Variants in TRERF1 observed in about 807,000 individuals in gnomAD.
TRERF1 encodes transcriptional-regulating factor 1.
TRERF1 carries 27 observed loss-of-function variants against 122.9 expected under a neutral mutation model. The observed-to-expected ratio is 0.22, with a 90% CI of 0.16 to 0.30. TRERF1 has a LOEUF of 0.30. TRERF1 is among the 10% of genes least tolerant of loss of function. TRERF1 has a pLI of 1.00. For missense variants in TRERF1, 1,248 were observed against 1,560.3 expected (o/e 0.80, Z 3.37); for synonymous variants, 636 against 641.7 (o/e 0.99, Z 0.13).
intron 4 of TRERF1, among the ~76,000 whole-genome samples, chr6:42,280,103 T>G (rs908145612): frequency 2.0e-5 from 3 of 152,150 alleles, no homozygotes; most frequent in African/African-American, 7.2e-5. Context: ...GGGAGCATTC[T>G]GTAAATACCG....
At chr6:42,264,359 C>A (rs889541334) in intron 7 of TRERF1, among the ~76,000 whole-genome samples, 3 of 152,288 alleles carry the variant, frequency 2.0e-5, no homozygotes, top group South Asian at 2.1e-4. Context: ...TCTGGAAGGC[C>A]CCAGTGGGCC....
At position 42,232,950 on chromosome 6, in the gene TRERF1, T is replaced by C; in HGVS notation, c.3067-58A>G. The C allele has an allele frequency of 6.6e-7, 1 of 1,505,686 alleles. No homozygotes were observed. The highest frequency in any genetic ancestry group is 8.9e-7 in the Non-Finnish European group (1 of 1,120,588). The allele number at this position is 1,505,686 out of a possible 1,614,324, so 93.3% of individuals were successfully genotyped here. ...AGTCCTGAAAAGGAAATTAGGGTTATTAGTTACTCAGTGGTAAACATGGAA... is the reference window on the plus strand; with the variant it reads ...AGTCCTGAAAAGGAAATTAGGGTTACTAGTTACTCAGTGGTAAACATGGAA... On this transcript the variant is annotated intron_variant, in intron 16 of 17. Coordinates refer to ENST00000372922, the Ensembl canonical transcript of TRERF1. The surrounding 1 kb of genome is among the most constrained non-coding windows in gnomAD (Gnocchi z 4.5).
intron 2 of TRERF1, among the ~76,000 whole-genome samples, chr6:42,413,480 A>G (rs1781406621): frequency 7.4e-6 from 1 of 135,970 alleles, no homozygotes; most frequent in Non-Finnish European, 1.5e-5. Flanking sequence ...ACCAGGCTGG[A>G]GTGCAGAGGC....
chr6:42,226,363 C>G (rs1312126054), exon 18 of TRERF1: 2 of 152,208 alleles, frequency 1.3e-5, no homozygotes, highest in African/African-American at 4.8e-5. Flanking sequence ...CCCTTCTAGG[C>G]TTACCCTCAG....
rs1283512228 is a variant in TRERF1, at chr6:42,232,630, A to G, written c.3278+51T>C. 2.6e-6 allele frequency: 4 copies of G among 1,518,598 alleles called. No homozygotes were observed. The South Asian group carries it at 3.9e-5, about 15-fold the overall frequency. 94.1% of individuals were successfully genotyped at this position (1,518,598 alleles called of 1,614,324 possible). A position where few individuals can be genotyped will look rare whatever the true frequency, so the allele number is the denominator to read the frequency against. On this transcript the variant is annotated intron_variant, in intron 17 of 17. Transcript: ENST00000372922. The surrounding 1 kb of genome is among the most constrained non-coding windows in gnomAD (Gnocchi z 4.5). ...GGCCATCCTGGCCCAGCTCCCATAG[A>G]GCGACTACCCATCATGAACTCAGAT...
chr6:42,417,962 C>A lies in TRERF1; in HGVS notation c.-454+33215G>T, dbSNP rs527684817. On this transcript the variant is annotated intron_variant, in intron 2 of 17. Transcript: ENST00000372922. ...AATTCCAGGCTCTAATGACAGAGAG[C>A]AGACTGGAATCATACCACAGCACTA... Among the ~76,000 whole-genome samples the A allele has an allele frequency of 1.5e-4, 23 of 152,290 alleles. No individual in the cohort carries two copies. In the South Asian group the frequency reaches 4.8e-3, roughly 32 times the overall value.
chr6:42,430,908 A>T (rs1345340835), intron 2 of TRERF1, among the ~76,000 whole-genome samples: 1 of 151,706 alleles, frequency 6.6e-6, no homozygotes, highest in East Asian at 1.9e-4. Flanking sequence ...AAAAAAAAAA[A>T]AAATTAGCCG....
In TRERF1 at chr6:42,268,439, C is replaced by T; in HGVS notation, c.1152G>A (p.Gln384=). 7 of 1,577,400 alleles carry T rather than the reference C, an allele frequency of 4.4e-6. No homozygotes were observed. Among genetic ancestry groups the T allele is most frequent in the Non-Finnish European group, 6.0e-6 (7 of 1,160,542 alleles). ...GCTGGTAGAGGGGGTGGCTGTAGGG[C>T]TGCTGGGGCTCCTGGTAGTAGTACT... is the stretch of plus-strand genomic sequence containing the variant. Residue 384 remains glutamine (Q), a synonymous_variant, in exon 5 of 18, where the codon CAG becomes CAA. Transcript: ENST00000372922. The surrounding 1 kb of genome is among the most constrained non-coding windows in gnomAD (Gnocchi z 4.4).
At chr6:42,249,855 C>T (rs1291201774) in intron 13 of TRERF1, among the ~76,000 whole-genome samples, 1 of 152,164 alleles carries the variant, frequency 6.6e-6, no homozygotes, top group Non-Finnish European at 1.5e-5. Context: ...AGAGCCTTGG[C>T]CGGGCAACAA....
chr6:42,258,976 C>A (rs928112716), intron 9 of TRERF1, among the ~76,000 whole-genome samples: 1 of 152,228 alleles, frequency 6.6e-6, no homozygotes, highest in South Asian at 2.1e-4. Flanking sequence ...CTCAAGTGAT[C>A]CACCCGCCTC....
At chr6:42,328,951 G>C (rs1221334018) in intron 3 of TRERF1, among the ~76,000 whole-genome samples, 1 of 152,082 alleles carries the variant, frequency 6.6e-6, no homozygotes, top group Non-Finnish European at 1.5e-5. Context: ...TATGATAAGT[G>C]GGGAGGAAAG....
exon 7 of TRERF1, chr6:42,264,804 A>G (rs1778858684): frequency 1.2e-6 from 2 of 1,614,218 alleles, no homozygotes; most frequent in Non-Finnish European, 1.7e-6. Flanking sequence ...GGAGCATGTC[A>G]GCTTGTTCTT....
At chr6:42,394,249 C>G (rs981656895) in intron 2 of TRERF1, among the ~76,000 whole-genome samples, 7 of 152,204 alleles carry the variant, frequency 4.6e-5, no homozygotes, top group African/African-American at 7.2e-5. Context: ...ACTCTCCCCC[C>G]ACAACACACT....
At chr6:42,329,914 G>A (rs1175524999) in intron 3 of TRERF1, among the ~76,000 whole-genome samples, 2 of 152,014 alleles carry the variant, frequency 1.3e-5, no homozygotes, top group Non-Finnish European at 2.9e-5. Flanking sequence ...GCATGAACCC[G>A]GGAGGCAGAC....
intron 3 of TRERF1, among the ~76,000 whole-genome samples, chr6:42,347,449 T>C (rs1246738935): frequency 3.3e-5 from 5 of 152,012 alleles, no homozygotes; most frequent in African/African-American, 1.2e-4. Context: ...GCAAGGATGG[T>C]GTAGAGGTGA....
intron 4 of TRERF1, among the ~76,000 whole-genome samples, chr6:42,277,729 G>C (rs1781406304): frequency 1.3e-5 from 2 of 152,012 alleles, no homozygotes; most frequent in South Asian, 4.1e-4. Context: ...TGTAGTCCCA[G>C]CTACTTGGGA....
chr6:42,273,805 T>C (rs34397453), intron 4 of TRERF1, among the ~76,000 whole-genome samples: 5,021 of 152,322 alleles, frequency 0.033, 84 homozygotes, highest in Non-Finnish European at 0.037. Flanking sequence ...AAAAGGCTTA[T>C]ACAAAGTCAC....
intron 4 of TRERF1, among the ~76,000 whole-genome samples, chr6:42,287,161 A>C: frequency 1.1e-5 from 1 of 91,490 alleles, no homozygotes. Flanking sequence ...GGGAGGGGGG[A>C]GGGATAGCAT....
intron 3 of TRERF1, among the ~76,000 whole-genome samples, chr6:42,358,297 C>T (rs967814681): frequency 6.6e-6 from 1 of 152,226 alleles, no homozygotes; most frequent in Non-Finnish European, 1.5e-5. Flanking sequence ...AAGTTAATGA[C>T]TGCAGGGTAA....
Sources: allele counts gnomAD v4.1 joint callset (sites outside exome capture counted in the v4.1 genomes callset), GRCh38; gene constraint gnomAD v4.1.1; non-coding constraint Gnocchi (gnomAD v3.1); transcripts MANE v1.5; gene names NCBI Gene and HGNC (gene_info 2026-07-23, HGNC 2026-07-21).